Variants in MALRD1 observed in about 807,000 individuals in gnomAD.
MALRD1 encodes MAM and LDL receptor class A domain containing 1, also known as MAM and LDL-receptor class A domain-containing protein 1.
Under a neutral mutation model 242.1 loss-of-function variants are expected in MALRD1, and 247 were observed. That is an observed-to-expected ratio of 1.02 (90% CI 0.92 to 1.13). The LOEUF (loss-of-function observed/expected upper bound fraction) is 1.13, where lower values mean the gene tolerates loss of function less well. MALRD1 is among the 50% of genes most tolerant of loss of function. The pLI is 0.00. For synonymous variants in MALRD1, 995 were observed against 866.6 expected, an observed-to-expected ratio of 1.15 and a Z score of -2.60; for missense variants, 2,989 against 2,533.1, an observed-to-expected ratio of 1.18 and a Z score of -3.86.
chr10:19,648,830 T>A (rs1486675316), intron 36 of MALRD1, among the ~76,000 whole-genome samples: 1 of 152,152 alleles, frequency 6.6e-6, no homozygotes, highest in African/African-American at 2.4e-5. Flanking sequence ...GTACATAATA[T>A]TTCATCACCC....
At chr10:19,417,810 A>G (rs145313331) in intron 28 of MALRD1, among the ~76,000 whole-genome samples, 2 of 152,286 alleles carry the variant, frequency 1.3e-5, no homozygotes, top group East Asian at 1.9e-4. Flanking sequence ...AAAGATCTCA[A>G]TTCTCAGTGA....
chr10:19,491,137 GCAGCA>G, intron 29 of MALRD1: 2 of 407,182 alleles, frequency 4.9e-6, no homozygotes, highest in South Asian at 4.3e-5. Flanking sequence ...AGCATTACGA[GCAGCA>G]CAAATGGCCA....
In MALRD1 at chr10:19,174,625, A is replaced by C. The variant is rs182586514; in HGVS notation, c.1831-583A>C. ...AACAAGAAAGAAAACAAATTATATC[A>C]GTCATTATTCAGCGTTAGAATAAAC... On this transcript the variant is annotated intron_variant, in intron 13 of 39. Transcript: ENST00000454679. Among the ~76,000 whole-genome samples the C allele has an allele frequency of 9.5e-4, 145 of 152,118 alleles. 1 individual carries two copies. Among genetic ancestry groups the C allele is most frequent in the African/African-American group, 1.2e-4 (5 of 41,476 alleles).
intron 4 of MALRD1, among the ~76,000 whole-genome samples, chr10:19,101,226 T>A (rs986308064): frequency 1.4e-5 from 2 of 145,554 alleles, no homozygotes; most frequent in Admixed American, 1.4e-4. Flanking sequence ...AGGAACTGAA[T>A]CCAAATAGTT....
chr10:19,516,102 GA>G (rs1287522185), intron 31 of MALRD1, among the ~76,000 whole-genome samples: 12 of 152,254 alleles, frequency 7.9e-5, no homozygotes, highest in African/African-American at 2.6e-4. Context: ...AACCTAGGTA[GA>G]AAAAGTTGTG....
At chr10:19,088,567 T>TG (rs1564383593) in intron 4 of MALRD1, among the ~76,000 whole-genome samples, 4 of 92,826 alleles carry the variant, frequency 4.3e-5, no homozygotes, top group Non-Finnish European at 6.3e-5. Context: ...TATAAAGTTT[T>TG]TTTTTATTTA....
chr10:19,610,536 G>T (rs937588154), intron 35 of MALRD1, among the ~76,000 whole-genome samples: 1 of 151,970 alleles, frequency 6.6e-6, no homozygotes, highest in South Asian at 2.1e-4. Context: ...AAAATCTTCG[G>T]GTGGACTCCT....
chr10:19,072,549 G>A lies in MALRD1; in HGVS notation c.340+5690G>A, dbSNP rs540646214. On this transcript the variant is annotated intron_variant, in intron 2 of 39. Coordinates refer to ENST00000454679, the MANE Select transcript of MALRD1 (RefSeq NM_001142308.3). ...CTGTGGGTTACAGTTTGCTGCCCCC[G>A]TGTCTGTTCAATATAAACATTAATT... 3.3e-5 allele frequency among the ~76,000 whole-genome samples: 5 copies of A among 152,086 alleles called. 1 individual carries two copies. The South Asian group carries it at 6.2e-4, about 19-fold the overall frequency.
chr10:19,720,310 GA>G (rs1174414708), intron 38 of MALRD1, among the ~76,000 whole-genome samples: 1 of 152,138 alleles, frequency 6.6e-6, no homozygotes, highest in Non-Finnish European at 1.5e-5. Flanking sequence ...CCTGGTGTTT[GA>G]AAAGTATTAG....
chr10:19,473,930 A>G (rs1022077071), intron 29 of MALRD1, among the ~76,000 whole-genome samples: 5 of 152,086 alleles, frequency 3.3e-5, no homozygotes, highest in Admixed American at 6.6e-5. Flanking sequence ...TCATTTTACA[A>G]TCCCACCAAA....
chr10:19,700,132 A>T (rs1833559542), intron 38 of MALRD1, among the ~76,000 whole-genome samples: 1 of 151,872 alleles, frequency 6.6e-6, no homozygotes, highest in African/African-American at 2.4e-5. Flanking sequence ...GAACTACATT[A>T]ACCCACTGCA....
intron 19 of MALRD1, among the ~76,000 whole-genome samples, chr10:19,265,454 A>T: frequency 6.6e-6 from 1 of 150,982 alleles, no homozygotes; most frequent in African/African-American, 2.4e-5. Context: ...CAGATTTTTT[A>T]TTTCATTTTG....
intron 1 of MALRD1, among the ~76,000 whole-genome samples, chr10:19,053,642 A>G (rs866204192): frequency 5.9e-5 from 9 of 152,162 alleles, no homozygotes; most frequent in Admixed American, 1.3e-4. Flanking sequence ...TGAAGCAGCA[A>G]CTATCAAGTC....
rs576047083 is a variant in MALRD1 at position 19,713,988 on chromosome 10, A to G, written c.6315-16718A>G. On this transcript the variant is annotated intron_variant, in intron 38 of 39. Transcript: ENST00000454679. The stretch of plus-strand genomic sequence containing the variant: ...TCTAGGGGGAGCACGCAGACAGGCA[A>G]GTTGTGGGGATCCGACCCCATGGCA... Among the ~76,000 whole-genome samples, 8 of 152,036 alleles carry G rather than the reference A, an allele frequency of 5.3e-5. No individual in the cohort carries two copies. In the South Asian group the frequency reaches 1.5e-3, roughly 28 times the overall value.
At chr10:19,157,428 T>A (rs1444725467) in intron 12 of MALRD1, among the ~76,000 whole-genome samples, 1 of 152,032 alleles carries the variant, frequency 6.6e-6, no homozygotes, top group Non-Finnish European at 1.5e-5. Context: ...TTTGTATTTT[T>A]AGTGGAGTCG....
intron 19 of MALRD1, among the ~76,000 whole-genome samples, chr10:19,276,483 T>C (rs188572302): frequency 2.0e-5 from 3 of 152,252 alleles, no homozygotes; most frequent in East Asian, 1.9e-4. Flanking sequence ...AACCTGGCCA[T>C]TGAATGTTTT....
chr10:19,192,336 C>G lies in MALRD1; in HGVS notation c.1952-11392C>G, dbSNP rs1836016101. Among the ~76,000 whole-genome samples the G allele has an allele frequency of 1.3e-5, 2 of 152,114 alleles. 1 individual carries two copies. Among genetic ancestry groups the G allele is most frequent in the South Asian group, 4.1e-4 (2 of 4,830 alleles). On this transcript the variant is annotated intron_variant, in intron 14 of 39. Transcript: ENST00000454679. ...ACTTAAAATGGTTTAGATAATAATA[C>G]ATTTTATGTTATGTGTATTTTATCA...
At position 19,324,123 on chromosome 10, in the gene MALRD1, A is replaced by G; in HGVS notation, c.3576+18A>G. ...CTCTCCAGGTACTGCTTAGGCAATC[A>G]CATTTTCTGAATTTTCTCTCTAAAA... is the stretch of plus-strand genomic sequence containing the variant. On this transcript the variant is annotated intron_variant, in intron 22 of 39. Transcript: ENST00000454679. 1 of 1,543,060 alleles carries G rather than the reference A, an allele frequency of 6.5e-7. No individual in the cohort carries two copies. Among genetic ancestry groups the G allele is most frequent in the Non-Finnish European group, 8.7e-7 (1 of 1,143,366 alleles).
At position 19,102,214 on chromosome 10, in the gene MALRD1, C is replaced by T. The variant is rs555751972; in HGVS notation, c.598-1765C>T. 1.8e-4 allele frequency among the ~76,000 whole-genome samples: 27 copies of T among 149,842 alleles called. No individual in the cohort carries two copies. The East Asian group carries it at 2.7e-3, about 15-fold the overall frequency. On this transcript the variant is annotated intron_variant, in intron 4 of 39. Coordinates refer to ENST00000454679, the MANE Select transcript of MALRD1 (RefSeq NM_001142308.3). Reference sequence around the variant, plus strand: ...GAATCAAACTACTTGGTTTCAGATCCTAGCTATATCTTGGATTCAGATTCT... The same window carrying T: ...GAATCAAACTACTTGGTTTCAGATCTTAGCTATATCTTGGATTCAGATTCT...
Sources: gnomAD v4.1 joint callset for allele counts (sites outside exome capture counted in the v4.1 genomes callset) on GRCh38, gnomAD v4.1.1 for gene constraint, MANE v1.5 for transcripts, NCBI Gene and HGNC (gene_info 2026-07-23, HGNC 2026-07-21) for gene names.